OR3A2: variants seen among roughly 807,000 people sequenced by gnomAD.
The protein encoded by OR3A2 is olfactory receptor family 3 subfamily A member 2, also known as olfactory receptor 3A2.
For synonymous variants in OR3A2, 126 were observed against 159.3 expected, an observed-to-expected ratio of 0.79 and a Z score of 1.57; for missense variants, 318 against 392.8, an observed-to-expected ratio of 0.81 and a Z score of 1.61.
At chr17:3,338,676 G>A (rs942417370) in intron 2 of OR3A2, among the ~76,000 whole-genome samples, 7 of 152,062 alleles carry the variant, frequency 4.6e-5, no homozygotes, top group Admixed American at 2.6e-4. Context: ...TACTGCAGCC[G>A]TGTAGTATAG....
intron 3 of OR3A2, among the ~76,000 whole-genome samples, chr17:3,292,767 C>T (rs73977621): frequency 0.019 from 2,909 of 152,156 alleles, 70 homozygotes; most frequent in African/African-American, 0.063. Flanking sequence ...CTACATTTAC[C>T]TGAATAACTT....
chr17:3,295,318 A>G (rs2048910793), intron 3 of OR3A2, among the ~76,000 whole-genome samples: 1 of 152,092 alleles, frequency 6.6e-6, no homozygotes, highest in Non-Finnish European at 1.5e-5. Flanking sequence ...AATAAATTAC[A>G]TGGTATAGGA....
chr17:3,372,446 T>G (rs1274550997), intron 2 of OR3A2, among the ~76,000 whole-genome samples: 3 of 152,088 alleles, frequency 2.0e-5, no homozygotes, highest in South Asian at 4.2e-4. Flanking sequence ...GGCTGCAATC[T>G]CGGCACTTTG....
intron 3 of OR3A2, among the ~76,000 whole-genome samples, chr17:3,299,318 C>T (rs1243572223): frequency 3.3e-5 from 5 of 152,156 alleles, no homozygotes; most frequent in Admixed American, 3.3e-4. Flanking sequence ...AAGCTTTCTC[C>T]AACCTTGGCT....
At chr17:3,289,037 T>C (rs2048840111), upstream of OR3A2, among the ~76,000 whole-genome samples, 1 of 152,210 alleles carries the variant, frequency 6.6e-6, no homozygotes, top group African/African-American at 2.4e-5. Flanking sequence ...AATTATACTA[T>C]GCAATATAGA....
chr17:3,304,259 T>C (rs2048986220), intron 3 of OR3A2, among the ~76,000 whole-genome samples: 1 of 152,146 alleles, frequency 6.6e-6, no homozygotes, highest in Admixed American at 6.6e-5. Context: ...CACACACAGA[T>C]TCCAATGCAG....
intron 3 of OR3A2, among the ~76,000 whole-genome samples, chr17:3,312,187 A>G (rs2049049749): frequency 6.6e-6 from 1 of 152,216 alleles, no homozygotes; most frequent in South Asian, 2.1e-4. Context: ...TGGGTCAGGT[A>G]GCGGGAGACA....
chr17:3,350,464 T>C (rs373702868), intron 2 of OR3A2, among the ~76,000 whole-genome samples: 1 of 151,274 alleles, frequency 6.6e-6, no homozygotes, highest in African/African-American at 2.4e-5. Context: ...ACACATACAC[T>C]CTCCCAAGAC....
At chr17:3,288,896 T>G (rs763426048), upstream of OR3A2, among the ~76,000 whole-genome samples, 1 of 152,228 alleles carries the variant, frequency 6.6e-6, no homozygotes, top group Non-Finnish European at 1.5e-5. Context: ...ATCTCAGTAT[T>G]ATTGGCAGTC....
rs150200034 is a variant in OR3A2, at chr17:3,354,374, T to G, written c.-178-18248A>C. On this transcript the variant is annotated intron_variant, in intron 2 of 4. Transcript: ENST00000573491. ...TCACCCAGTGTGCAGTGCAGTGGTA[T>G]AATCATGGTACACTGTAGCCTCAAC... Among the ~76,000 whole-genome samples the G allele has an allele frequency of 1.8e-3, 269 of 151,500 alleles. 8 individuals carry two copies. Among genetic ancestry groups the G allele is most frequent in the African/African-American group, 5.9e-3 (244 of 41,078 alleles).
chr17:3,374,955 C>T (rs190315207), intron 2 of OR3A2, among the ~76,000 whole-genome samples: 20 of 151,770 alleles, frequency 1.3e-4, no homozygotes, highest in African/African-American at 3.4e-4. Flanking sequence ...TGGGAACATA[C>T]AATGTTTGGT....
chr17:3,331,458 A>G (rs1567557685), intron 3 of OR3A2, among the ~76,000 whole-genome samples: 1 of 151,088 alleles, frequency 6.6e-6, no homozygotes, highest in Admixed American at 6.6e-5. Flanking sequence ...ACTTCATTTC[A>G]TTCATTTCAT....
intron 3 of OR3A2, among the ~76,000 whole-genome samples, chr17:3,319,992 C>T (rs1048526608): frequency 6.6e-6 from 1 of 152,140 alleles, no homozygotes; most frequent in East Asian, 1.9e-4. Context: ...ACAGTCCCAC[C>T]AACAGTGTAA....
upstream of OR3A2, among the ~76,000 whole-genome samples, chr17:3,286,787 T>G (rs2048817100): frequency 6.6e-6 from 1 of 152,196 alleles, no homozygotes; most frequent in Admixed American, 6.5e-5. Flanking sequence ...TCTTGTAAAT[T>G]TGTTTAAGTT....
At chr17:3,292,406 G>A (rs753624530) in intron 3 of OR3A2, 2 of 1,614,048 alleles carry the variant, frequency 1.2e-6, no homozygotes, top group Non-Finnish European at 1.7e-6. Flanking sequence ...ACATGGGGGT[G>A]TGGAGTTTGG....
chr17:3,278,495 C>A (rs1449178141), exon 2 of OR3A2: 4 of 1,613,954 alleles, frequency 2.5e-6, no homozygotes, highest in Non-Finnish European at 3.4e-6. Context: ...TCTGGACTGT[C>A]TGACTCATGC....
intron 3 of OR3A2, chr17:3,310,702 A>T (rs1210901928): frequency 1.8e-6 from 1 of 545,862 alleles, no homozygotes; most frequent in Non-Finnish European, 3.7e-6. Context: ...GCCATCTGCC[A>T]GTCCCTCACC....
chr17:3,310,477 C>T (rs1167836825), intron 3 of OR3A2: 1 of 535,704 alleles, frequency 1.9e-6, no homozygotes, highest in South Asian at 1.4e-5. Context: ...CTTATGGAAA[C>T]CAAACTCCAC....
chr17:3,348,966 C>G (rs1005436152), intron 2 of OR3A2, among the ~76,000 whole-genome samples: 14 of 152,086 alleles, frequency 9.2e-5, no homozygotes, highest in African/African-American at 3.1e-4. Context: ...AAATACTTTA[C>G]AGACAAGCAA....
Sources: gnomAD v4.1 joint callset for allele counts (sites outside exome capture counted in the v4.1 genomes callset) on GRCh38, gnomAD v4.1.1 for gene constraint, MANE v1.5 for transcripts, NCBI Gene and HGNC (gene_info 2026-07-23, HGNC 2026-07-21) for gene names.